PKNOX2: variants seen among roughly 807,000 people sequenced by gnomAD.
The protein encoded by PKNOX2 is homeobox protein PKNOX2.
In PKNOX2, 14 loss-of-function variants were observed where a neutral mutation model predicts 53.1. The observed-to-expected ratio is 0.26, with a 90% CI of 0.17 to 0.41. PKNOX2 has a LOEUF of 0.41. Among genes scored for constraint, PKNOX2 ranks in the 10% least tolerant of loss-of-function variants. PKNOX2 has a pLI of 1.00. For missense variants in PKNOX2, 496 were observed against 602.8 expected (o/e 0.82, Z 1.85); for synonymous variants, 257 against 242.8 (o/e 1.06, Z -0.54).
intron 9 of PKNOX2, 62 bp downstream of exon 9, chr11:125,410,938 C>T: frequency 1.4e-6 from 2 of 1,403,606 alleles, no homozygotes; most frequent in Non-Finnish European, 2.0e-6. Context: ...GTAATCGCTT[C>T]TTATCTGCCA....
intron 6 of PKNOX2, among the ~76,000 whole-genome samples, chr11:125,390,026 T>C (rs1478751716): frequency 2.0e-5 from 3 of 152,142 alleles, no homozygotes; most frequent in Non-Finnish European, 4.4e-5. Flanking sequence ...CCAGCGGCAT[T>C]CAGAGACTTA....
At chr11:125,231,605 G>T (rs1277655805) in intron 1 of PKNOX2, among the ~76,000 whole-genome samples, 1 of 152,192 alleles carries the variant, frequency 6.6e-6, no homozygotes, top group East Asian at 1.9e-4. Flanking sequence ...TTCCCCAACA[G>T]GCATCCATGG....
intron 2 of PKNOX2, among the ~76,000 whole-genome samples, chr11:125,302,517 G>A (rs1948146120): frequency 6.6e-6 from 1 of 152,224 alleles, no homozygotes; most frequent in South Asian, 2.1e-4. Context: ...CTTCTAGAGA[G>A]GAAGCCAGCC....
intron 4 of PKNOX2, among the ~76,000 whole-genome samples, chr11:125,366,357 A>G (rs1395556925): frequency 6.6e-6 from 1 of 152,184 alleles, no homozygotes; most frequent in Non-Finnish European, 1.5e-5. Context: ...AAACGATACA[A>G]TCTAGGAAAG....
chr11:125,221,801 G>C (rs1343314235), intron 1 of PKNOX2, among the ~76,000 whole-genome samples: 1 of 151,948 alleles, frequency 6.6e-6, no homozygotes, highest in African/African-American at 2.4e-5. Context: ...CAGATTGCTG[G>C]AATCCCTCCT....
intron 3 of PKNOX2, among the ~76,000 whole-genome samples, chr11:125,350,024 C>T (rs551564759): frequency 1.6e-4 from 24 of 152,224 alleles, no homozygotes; most frequent in Admixed American, 3.9e-4. Context: ...GGAGAGGGGA[C>T]GGAGGGTGTG....
chr11:125,313,958 T>A (rs1948989243), intron 2 of PKNOX2, among the ~76,000 whole-genome samples: 1 of 152,180 alleles, frequency 6.6e-6, no homozygotes, highest in Non-Finnish European at 1.5e-5. Context: ...CCCTGTGAGT[T>A]CTGTGTGTAA....
chr11:125,269,017 T>A (rs1945577194), intron 2 of PKNOX2, among the ~76,000 whole-genome samples: 1 of 152,134 alleles, frequency 6.6e-6, no homozygotes, highest in South Asian at 2.1e-4. Flanking sequence ...TTTACCTAGA[T>A]GCTGCCAAAG....
chr11:125,335,157 A>T (rs1195222912), intron 3 of PKNOX2, among the ~76,000 whole-genome samples: 1 of 152,076 alleles, frequency 6.6e-6, no homozygotes, highest in East Asian at 1.9e-4. Flanking sequence ...ATGTGGTCTG[A>T]TTTGTGCAGG....
intron 1 of PKNOX2, among the ~76,000 whole-genome samples, chr11:125,169,574 G>A (rs1247080004): frequency 2.0e-5 from 3 of 152,192 alleles, no homozygotes; most frequent in Non-Finnish European, 4.4e-5. Context: ...AGGGCTGCAT[G>A]ACTCCAGTGG....
intron 2 of PKNOX2, among the ~76,000 whole-genome samples, chr11:125,244,332 G>C (rs1943397255): frequency 6.6e-6 from 1 of 152,212 alleles, no homozygotes; most frequent in African/African-American, 2.4e-5. Flanking sequence ...CCTGAGGATG[G>C]AGAGGCATCT....
Position 125,396,160 on chromosome 11 carries a change from G to T in PKNOX2, c.400-1714G>T, listed in dbSNP as rs187352862. ...GTAGATATGGGGTTTCACCATGTTGGCCAGGCTGGTCTCAAACTCCTGACC... is the reference window on the plus strand; with the variant it reads ...GTAGATATGGGGTTTCACCATGTTGTCCAGGCTGGTCTCAAACTCCTGACC... On this transcript the variant is annotated intron_variant, in intron 6 of 12. Transcript: ENST00000298282. Among the ~76,000 whole-genome samples, 6 of 152,054 alleles carry T rather than the reference G, an allele frequency of 3.9e-5. No homozygotes were observed. The East Asian group carries it at 1.2e-3, about 29-fold the overall frequency.
Position 125,178,668 on chromosome 11 carries a change from AGGAAAGAAAGAG to A in PKNOX2, c.-201+13893_-201+13904del, listed in dbSNP as rs1468199661. On this transcript the variant is annotated intron_variant, in intron 1 of 12. Coordinates refer to ENST00000298282, the MANE Select transcript of PKNOX2 (RefSeq NM_001382323.2). The stretch of plus-strand genomic sequence containing the variant: ...AAAGAAGGAAGGAAGGAAGGAAGGA[AGGAAAGAAAGAG>A]AGAGAGAGAGAGAGAGAGAAAGAAA... 2.5e-5 allele frequency among the ~76,000 whole-genome samples: 3 copies of A among 120,100 alleles called. No individual in the cohort carries two copies. The East Asian group carries it at 7.5e-4, about 30-fold the overall frequency. 78.8% of individuals were successfully genotyped at this position (120,100 alleles called of 152,430 possible). A position where few individuals can be genotyped will look rare whatever the true frequency, so the allele number is the denominator to read the frequency against.
intron 6 of PKNOX2, among the ~76,000 whole-genome samples, chr11:125,389,124 G>A (rs1953856367): frequency 6.6e-6 from 1 of 152,164 alleles, no homozygotes; most frequent in African/African-American, 2.4e-5. Flanking sequence ...AAGCCCAGTA[G>A]GCAGAGGTTG....
chr11:125,165,039 G>T lies in PKNOX2; in HGVS notation c.-201+263G>T, dbSNP rs573221359. 4.6e-5 allele frequency among the ~76,000 whole-genome samples: 7 copies of T among 151,508 alleles called. No individual in the cohort carries two copies. Among genetic ancestry groups the T allele is most frequent in the South Asian group, 2.1e-4 (1 of 4,812 alleles). The stretch of plus-strand genomic sequence containing the variant: ...GAGCGTGCAGAGAGAAGCTGGGGAA[G>T]CGCCGGGAGAGCGCGGAGCGGAGCA... On this transcript the variant is annotated intron_variant, in intron 1 of 12. Transcript: ENST00000298282. This position sits in a 1 kb window ranked among gnomAD's most constrained non-coding sequence, Gnocchi z 4.5.
At position 125,240,593 on chromosome 11, in the gene PKNOX2, C is replaced by A. The variant is rs982699370; in HGVS notation, c.-130+5478C>A. On this transcript the variant is annotated intron_variant, in intron 2 of 12. Coordinates refer to ENST00000298282, the MANE Select transcript of PKNOX2 (RefSeq NM_001382323.2). This position sits in a 1 kb window ranked among gnomAD's most constrained non-coding sequence, Gnocchi z 4.3. ...CACCACCCAAATCGCCTTTCTTCAT[C>A]CACTGAAATGCAGTTCTAAATCCTT... is the stretch of plus-strand genomic sequence containing the variant. Among the ~76,000 whole-genome samples the A allele has an allele frequency of 1.3e-5, 2 of 152,160 alleles. No individual in the cohort carries two copies. The highest frequency in any genetic ancestry group is 1.3e-4 in the Admixed American group (2 of 15,284).
chr11:125,381,504 G>T (rs1953224155), intron 5 of PKNOX2, among the ~76,000 whole-genome samples: 1 of 152,110 alleles, frequency 6.6e-6, no homozygotes, highest in Non-Finnish European at 1.5e-5. Context: ...AGCCACAGAA[G>T]ACACCCCCAG....
At chr11:125,265,130 T>C (rs1032487824) in intron 2 of PKNOX2, among the ~76,000 whole-genome samples, 10 of 151,808 alleles carry the variant, frequency 6.6e-5, no homozygotes, top group Non-Finnish European at 1.0e-4. Flanking sequence ...CTACTAAAAA[T>C]ACAAAAATTA....
At chr11:125,384,814 TTTA>T (rs1424916851) in intron 5 of PKNOX2, among the ~76,000 whole-genome samples, 2 of 152,038 alleles carry the variant, frequency 1.3e-5, no homozygotes, top group Non-Finnish European at 2.9e-5. Context: ...TCACCGAATA[TTTA>T]TTAAGTGTCT....
Sources: gnomAD v4.1 joint callset for allele counts (sites outside exome capture counted in the v4.1 genomes callset) on GRCh38, gnomAD v4.1.1 for gene constraint, Gnocchi (gnomAD v3.1) non-coding constraint, MANE v1.5 for transcripts, NCBI Gene and HGNC (gene_info 2026-07-23, HGNC 2026-07-21) for gene names.